Variants in PPP1R17 observed in about 807,000 individuals in gnomAD.
PPP1R17 encodes the protein G-substrate.
PPP1R17 carries 12 observed loss-of-function variants against 15.9 expected under a neutral mutation model. The ratio of observed to expected loss-of-function variants is 0.75; its 90% CI spans 0.48 to 1.22. The LOEUF (loss-of-function observed/expected upper bound fraction) is 1.22, where lower values mean the gene tolerates loss of function less well. Among genes scored for constraint, PPP1R17 ranks in the 50% most tolerant of loss-of-function variants. The pLI is 0.00. For synonymous variants in PPP1R17, 63 were observed against 64.5 expected (o/e 0.98, Z 0.11); for missense variants, 211 against 187.3 (o/e 1.13, Z -0.74).
At chr7:31,694,389 C>CACACACACACACAA (rs1174249451) in intron 2 of PPP1R17, among the ~76,000 whole-genome samples, 2 of 146,702 alleles carry the variant, frequency 1.4e-5, no homozygotes, top group African/African-American at 4.9e-5. Flanking sequence ...CTCTCTCAAA[C>CACACACACACACAA]ACACACACAC....
rs188860688 is a variant in PPP1R17 at position 31,707,294 on chromosome 7, C to T, written c.*11C>T. The T allele has an allele frequency of 3.6e-5, 58 of 1,607,684 alleles. No individual in the cohort carries two copies. Among genetic ancestry groups the T allele is most frequent in the Non-Finnish European group, 4.9e-5 (57 of 1,174,594 alleles). ...AAGATAGCTATTTAAAGATAGTTCC[C>T]CTGAGACCACTTGTAAATAGGTTAG... On this transcript the variant is annotated 3_prime_UTR_variant, in exon 5 of 5. Transcript: ENST00000342032.
chr7:31,706,097 A>T (rs1045540020), intron 4 of PPP1R17, among the ~76,000 whole-genome samples: 1 of 137,920 alleles, frequency 7.3e-6, no homozygotes, highest in African/African-American at 2.7e-5. Context: ...CTCTGCCTCC[A>T]GGATTCAAGG....
intron 1 of PPP1R17, among the ~76,000 whole-genome samples, chr7:31,689,463 G>A (rs1792244920): frequency 6.6e-6 from 1 of 152,114 alleles, no homozygotes; most frequent in Non-Finnish European, 1.5e-5. Context: ...AACAAGTGCA[G>A]CATCCCTTTA....
rs373771401 is a variant in PPP1R17 at position 31,696,988 on chromosome 7, A to G, written c.259A>G (p.Lys87Glu). ...IPGVFSEHLI[K>E]RYDVQERHPK... Reference sequence around the variant, plus strand: ...AGGTGTGTTTTCAGAACATTTAATTAAAAGATACGATGTTCAAGAGAGACA... The same window carrying G: ...AGGTGTGTTTTCAGAACATTTAATTGAAAGATACGATGTTCAAGAGAGACA... The change falls in exon 4 of 5, where the codon AAA becomes GAA. Residue 87 changes from lysine to glutamate, a missense_variant. By Grantham distance (56) the Lys-to-Glu change is moderately conservative. Coordinates refer to ENST00000342032, the MANE Select transcript of PPP1R17 (RefSeq NM_006658.5). 9.4e-5 allele frequency: 151 copies of G among 1,613,980 alleles called. No individual in the cohort carries two copies. The highest frequency in any genetic ancestry group is 4.7e-4 in the Admixed American group (28 of 59,990).
chr7:31,703,953 G>A (rs571756965), intron 4 of PPP1R17, among the ~76,000 whole-genome samples: 3 of 152,298 alleles, frequency 2.0e-5, no homozygotes, highest in South Asian at 2.1e-4. Flanking sequence ...GGCCCTCATC[G>A]CAGTGACTGC....
At chr7:31,697,278 T>G (rs1792629152) in intron 4 of PPP1R17, among the ~76,000 whole-genome samples, 161 bp downstream of exon 4, 2 of 152,170 alleles carry the variant, frequency 1.3e-5, no homozygotes, top group Non-Finnish European at 2.9e-5. Flanking sequence ...CCTTTTAGGT[T>G]TATCTCTACT....
In PPP1R17 at chr7:31,695,571, A is replaced by T; in HGVS notation, c.185A>T (p.Lys62Ile). 1 of 1,614,028 alleles carries T rather than the reference A, an allele frequency of 6.2e-7. No individual in the cohort carries two copies. The highest frequency in any genetic ancestry group is 8.5e-7 in the Non-Finnish European group (1 of 1,179,964). The change falls in exon 3 of 5, where the codon AAA becomes ATA. Residue 62 changes from lysine (K) to isoleucine (I), a missense_variant. Lys to Ile is a moderately radical substitution (Grantham distance 102). Coordinates refer to ENST00000342032, the MANE Select transcript of PPP1R17 (RefSeq NM_006658.5). ...ATLNVESDQKKPRRKDTPALH... is the reference protein window; with the variant it reads ...ATLNVESDQKIPRRKDTPALH... ...CTGAATGTTGAGTCAGACCAAAAAAAACCAAGGAGGAAAGATACACCGGCG... is the reference window on the plus strand; with the variant it reads ...CTGAATGTTGAGTCAGACCAAAAAATACCAAGGAGGAAAGATACACCGGCG...
At chr7:31,705,284 G>T (rs114578962) in intron 4 of PPP1R17, among the ~76,000 whole-genome samples, 3,058 of 152,176 alleles carry the variant, frequency 0.02, 117 homozygotes, top group African/African-American at 0.069. Flanking sequence ...ATCTGGATTT[G>T]GGAACTTAAA....
intron 4 of PPP1R17, among the ~76,000 whole-genome samples, chr7:31,702,920 A>T (rs1477130851): frequency 6.6e-6 from 1 of 152,220 alleles, no homozygotes; most frequent in Non-Finnish European, 1.5e-5. Flanking sequence ...GTAGAAAAAC[A>T]AAAATATTTA....
chr7:31,697,960 G>T (rs1466899095), intron 4 of PPP1R17, among the ~76,000 whole-genome samples: 1 of 152,112 alleles, frequency 6.6e-6, no homozygotes, highest in African/African-American at 2.4e-5. Context: ...CTAGCTAATT[G>T]GTTGGATCAA....
At chr7:31,697,732 T>A (rs1562699995) in intron 4 of PPP1R17, among the ~76,000 whole-genome samples, 1 of 152,166 alleles carries the variant, frequency 6.6e-6, no homozygotes, top group South Asian at 2.1e-4. Flanking sequence ...ATTGTTGTGT[T>A]GGGGAAGTGA....
rs138003744 is a variant in PPP1R17, at chr7:31,697,798, T to A, written c.388+681T>A. Among the ~76,000 whole-genome samples, 996 of 152,304 alleles carry A rather than the reference T, an allele frequency of 6.5e-3. 8 individuals carry two copies. The highest frequency in any genetic ancestry group is 0.023 in the African/African-American group (948 of 41,568). ...ATCCTACTAAATGTTAGGCACTCAG[T>A]TTATCATGTCTCATGGATTTTTATA... On this transcript the variant is annotated intron_variant, in intron 4 of 4. Coordinates refer to ENST00000342032, the MANE Select transcript of PPP1R17 (RefSeq NM_006658.5).
In PPP1R17 at chr7:31,692,470, T is replaced by A. The variant is rs36047130; in HGVS notation, c.29T>A (p.Leu10Gln). The change falls in exon 2 of 5, where the codon CTG (leucine) becomes CAG (glutamine). Residue 10 changes from leucine to glutamine, a missense_variant. Transcript: ENST00000342032. MMSTEQMQPLELSEDRLDKL... is the reference protein window; with the variant it reads MMSTEQMQPQELSEDRLDKL... ...ATGTCCACTGAGCAAATGCAGCCAC[T>A]GGAACTCTCAGAAGACAGACTGGAC... 6.2e-7 allele frequency: 1 copy of A among 1,612,082 alleles called. No homozygotes were observed. Among genetic ancestry groups the A allele is most frequent in the South Asian group, 1.1e-5 (1 of 91,004 alleles).
Position 31,695,620 on chromosome 7 carries a change from A to G in PPP1R17, c.234A>G (p.Pro78=). Residue 78 remains proline (P), a splice_region_variant and synonymous_variant, in exon 3 of 5, where the codon CCA becomes CCG. Transcript: ENST00000342032. ...CGCTGCACATCCCACCTTTCATACC[A>G]GGTAATGGACAAAGTCATCTGCACA... The part of the protein sequence containing the change: ...TPALHIPPFI[P]GVFSEHLIKR... 6.2e-7 allele frequency: 1 copy of G among 1,611,694 alleles called. No homozygotes were observed. The highest frequency in any genetic ancestry group is 8.5e-7 in the Non-Finnish European group (1 of 1,179,256).
chr7:31,695,541 C>G lies in PPP1R17; in HGVS notation c.155C>G (p.Ala52Gly). The part of the protein sequence containing the change: ...KKPRKGKNVQ[A>G]TLNVESDQKK... The stretch of plus-strand genomic sequence containing the variant: ...CCTAGAAAGGGAAAAAATGTACAGG[C>G]CACCCTGAATGTTGAGTCAGACCAA... Residue 52 changes from alanine to glycine, a missense_variant, in exon 3 of 5, where the codon GCC becomes GGC. Physicochemically the swap from Ala to Gly is moderately conservative, Grantham distance 60 (BLOSUM62 0). Coordinates refer to ENST00000342032, the MANE Select transcript of PPP1R17 (RefSeq NM_006658.5). 1 of 1,613,772 alleles carries G rather than the reference C, an allele frequency of 6.2e-7. No homozygotes were observed. Among genetic ancestry groups the G allele is most frequent in the South Asian group, 1.1e-5 (1 of 91,044 alleles).
chr7:31,688,551 C>T (rs1379342559), intron 1 of PPP1R17, among the ~76,000 whole-genome samples: 1 of 152,114 alleles, frequency 6.6e-6, no homozygotes, highest in Non-Finnish European at 1.5e-5. Flanking sequence ...GCACCCAGTT[C>T]CTTCCCCCTT....
At chr7:31,693,743 C>G (rs1188178436) in intron 2 of PPP1R17, among the ~76,000 whole-genome samples, 1 of 152,098 alleles carries the variant, frequency 6.6e-6, no homozygotes. Context: ...TAATCCTCAA[C>G]ATTTTAAGGA....
At chr7:31,693,305 A>G (rs1008048126) in intron 2 of PPP1R17, among the ~76,000 whole-genome samples, 3 of 152,230 alleles carry the variant, frequency 2.0e-5, no homozygotes, top group African/African-American at 7.2e-5. Flanking sequence ...GTACCTCAAG[A>G]GACCCACAGC....
intron 1 of PPP1R17, 99 bp from the exon 2 acceptor site, chr7:31,692,307 C>T: frequency 1.5e-6 from 1 of 673,064 alleles, no homozygotes; most frequent in Non-Finnish European, 2.5e-6. Context: ...GGATTGGGAA[C>T]ACAATAGCAG....
Sources: allele counts gnomAD v4.1 joint callset (sites outside exome capture counted in the v4.1 genomes callset), GRCh38; gene constraint gnomAD v4.1.1; transcripts MANE v1.5; gene names NCBI Gene and HGNC (gene_info 2026-07-23, HGNC 2026-07-21).